DTYMK: variants seen among roughly 807,000 people sequenced by gnomAD.
The protein encoded by DTYMK is thymidylate kinase.
DTYMK carries 20 observed loss-of-function variants against 20.3 expected under a neutral mutation model. The ratio of observed to expected loss-of-function variants is 0.99; its 90% CI spans 0.69 to 1.43. The LOEUF (loss-of-function observed/expected upper bound fraction) is 1.43, where lower values mean the gene tolerates loss of function less well. DTYMK is among the 40% of genes most tolerant of loss of function. The pLI is 0.00. For synonymous variants in DTYMK, 148 were observed against 124.4 expected, an observed-to-expected ratio of 1.19 and a Z score of -1.27; for missense variants, 320 against 291.1, an observed-to-expected ratio of 1.10 and a Z score of -0.72.
At chr2:241,679,265 G>A (rs2125162452) in intron 3 of DTYMK, among the ~76,000 whole-genome samples, 1 of 152,254 alleles carries the variant, frequency 6.6e-6, no homozygotes, top group Middle Eastern at 3.4e-3. Flanking sequence ...GACCAGAAAG[G>A]CTGTGACTGC....
intron 2 of DTYMK, among the ~76,000 whole-genome samples, chr2:241,684,422 G>T (rs2069330949): frequency 1.3e-5 from 2 of 152,230 alleles, no homozygotes; most frequent in African/African-American, 4.8e-5. Context: ...TAAGCCGGAG[G>T]AGAGTAATGC....
In DTYMK at chr2:241,680,279, C is replaced by T. The variant is rs369147687; in HGVS notation, c.280G>A (p.Val94Ile). 1.1e-5 allele frequency: 18 copies of T among 1,614,166 alleles called. No individual in the cohort carries two copies. Among genetic ancestry groups the T allele is most frequent in the Middle Eastern group, 3.3e-4 (2 of 6,062 alleles). ...KEKLSQGVTL[V>I]VDRYAFSGVA... is the part of the protein sequence containing the mutation. ...CCAGAAAATGCGTATCTGTCCACGA[C>T]GAGGGTCACGCCCTGGCTCAACTTT... Residue 94 changes from valine (V) to isoleucine (I), a missense_variant, in exon 3 of 5, where the codon GTC becomes ATC. Transcript: ENST00000305784.
intron 1 of DTYMK, 104 bp from the exon 2 acceptor site, chr2:241,685,981 G>T (rs1386166384): frequency 5.9e-6 from 7 of 1,188,278 alleles, no homozygotes; most frequent in Non-Finnish European, 8.4e-6. Flanking sequence ...GTCTCACGTT[G>T]AATTTTACTT....
chr2:241,678,880 G>C (rs1045132013), intron 3 of DTYMK, among the ~76,000 whole-genome samples: 1 of 152,154 alleles, frequency 6.6e-6, no homozygotes, highest in Non-Finnish European at 1.5e-5. Flanking sequence ...TAGATAGAAC[G>C]GCTGCCAGTC....
chr2:241,686,119 G>A (rs192134772), intron 1 of DTYMK, among the ~76,000 whole-genome samples: 4 of 152,336 alleles, frequency 2.6e-5, no homozygotes, highest in Admixed American at 6.5e-5. Flanking sequence ...GTAGAAAGTA[G>A]AGACTTCAAA....
At chr2:241,684,151 G>T (rs1222664991) in intron 2 of DTYMK, among the ~76,000 whole-genome samples, 17 of 152,154 alleles carry the variant, frequency 1.1e-4, no homozygotes, top group Admixed American at 1.1e-3. Flanking sequence ...CAAGTAACCT[G>T]TAGGAGAATA....
chr2:241,686,152 G>A (rs2069392945), intron 1 of DTYMK, among the ~76,000 whole-genome samples: 1 of 152,208 alleles, frequency 6.6e-6, no homozygotes, highest in African/African-American at 2.4e-5. Flanking sequence ...AAAATTTGTG[G>A]ACTGGGTGGC....
At chr2:241,676,420 C>G (rs1177797860) in intron 4 of DTYMK, among the ~76,000 whole-genome samples, 183 bp from the exon 5 acceptor site, 1 of 151,198 alleles carries the variant, frequency 6.6e-6, no homozygotes, top group African/African-American at 2.5e-5. Flanking sequence ...AAATGTGGCA[C>G]CACTCTACTC....
At chr2:241,684,559 G>A (rs951430575) in intron 2 of DTYMK, among the ~76,000 whole-genome samples, 1 of 152,182 alleles carries the variant, frequency 6.6e-6, no homozygotes, top group Non-Finnish European at 1.5e-5. Flanking sequence ...CAGAGTTAGG[G>A]GATCTGTAAG....
In DTYMK at chr2:241,686,677, C is replaced by T. The variant is rs2069421582; in HGVS notation, c.107G>A (p.Arg36His). The change falls in exon 1 of 5, where the codon CGC becomes CAC. Residue 36 changes from arginine (R) to histidine (H), a missense_variant. Transcript: ENST00000305784. ...ACCCGGGAACCGGAGCAGTTCGGCG[C>T]GGTGGCCCGCGGCGCACAGCGCTTC... ...LVEALCAAGH[R>H]AELLRFPERS... is the part of the protein sequence containing the mutation. 4 of 1,527,198 alleles carry T rather than the reference C, an allele frequency of 2.6e-6. No homozygotes were observed. The highest frequency in any genetic ancestry group is 3.5e-6 in the Non-Finnish European group (4 of 1,148,582). 94.6% of individuals were successfully genotyped at this position (1,527,198 alleles called of 1,614,324 possible). A position where few individuals can be genotyped will look rare whatever the true frequency, so the allele number is the denominator to read the frequency against.
In DTYMK at chr2:241,685,812, GATC is replaced by G. The variant is rs1330408281; in HGVS notation, c.193_195del (p.Asp65del). On this transcript the variant is annotated inframe_deletion, in exon 2 of 5. Transcript: ENST00000305784. ...GCAGAAAAAAGCAGGTGCACCGAGT[GATC>G]CTCCACGTCACTTTTCTTTTGCAAG... 2.5e-6 allele frequency: 4 copies of G among 1,614,056 alleles called. No individual in the cohort carries two copies. The Admixed American group carries it at 5.0e-5, about 20-fold the overall frequency.
chr2:241,686,544 AACCGCACAGTTC>A, intron 1 of DTYMK, 98 bp downstream of exon 1: 1 of 1,348,770 alleles, frequency 7.4e-7, no homozygotes, highest in Non-Finnish European at 9.5e-7. Flanking sequence ...TCAAAATAAA[AACCGCACAGTTC>A]ACAGCACGCC....
At chr2:241,677,731 G>C (rs1253498507) in intron 4 of DTYMK, among the ~76,000 whole-genome samples, 1 of 152,252 alleles carries the variant, frequency 6.6e-6, no homozygotes, top group Non-Finnish European at 1.5e-5. Flanking sequence ...CCAGACCTGG[G>C]ACTGCTGAGA....
In DTYMK at chr2:241,683,148, A is replaced by G. The variant is rs143346376; in HGVS notation, c.239+2621T>C. ...TACGAAACCAGATACACAGATGGCA[A>G]ACAAGCATATGAAAAGATACTCCAC... On this transcript the variant is annotated intron_variant, in intron 2 of 4. Coordinates refer to ENST00000305784, the MANE Select transcript of DTYMK (RefSeq NM_012145.4). Among the ~76,000 whole-genome samples, 963 of 152,314 alleles carry G rather than the reference A, an allele frequency of 6.3e-3. 13 individuals are homozygous for G. Among genetic ancestry groups the G allele is most frequent in the African/African-American group, 0.022 (915 of 41,568 alleles).
chr2:241,679,933 C>A (rs1391239659), intron 3 of DTYMK, among the ~76,000 whole-genome samples: 1 of 145,844 alleles, frequency 6.9e-6, no homozygotes. Flanking sequence ...CGTGCCACTG[C>A]ACTCCAGCCT....
chr2:241,680,227 A>C lies in DTYMK; in HGVS notation c.330+2T>G. 1 of 1,613,980 alleles carries C rather than the reference A, an allele frequency of 6.2e-7. No homozygotes were observed. Among genetic ancestry groups the C allele is most frequent in the Non-Finnish European group, 8.5e-7 (1 of 1,179,920 alleles). Reference sequence around the variant, plus strand: ...CCTGACAGGAGGCCAAGTGGCACTCACCTCCTTGGCACCGGTGAAGGCCAC... The same window carrying C: ...CCTGACAGGAGGCCAAGTGGCACTCCCCTCCTTGGCACCGGTGAAGGCCAC... On this transcript the variant is annotated splice_donor_variant, in intron 3 of 4. Coordinates refer to ENST00000305784, the MANE Select transcript of DTYMK (RefSeq NM_012145.4). LOFTEE classifies it high-confidence loss of function.
intron 3 of DTYMK, 119 bp from the exon 4 acceptor site, chr2:241,678,768 T>C: frequency 8.9e-7 from 1 of 1,129,204 alleles, no homozygotes; most frequent in Non-Finnish European, 1.3e-6. Flanking sequence ...TGAGACTGTT[T>C]ATATTGTGGC....
intron 2 of DTYMK, chr2:241,682,455 C>T (rs530464131): frequency 7.1e-6 from 2 of 280,830 alleles, no homozygotes; most frequent in Non-Finnish European, 1.4e-5. Flanking sequence ...ACAAAGAATT[C>T]TTAAAACTCA....
chr2:241,682,166 T>C (rs1000672993), intron 2 of DTYMK: 5 of 438,320 alleles, frequency 1.1e-5, no homozygotes, highest in Admixed American at 2.4e-5. Context: ...ATAGTGAGAC[T>C]CCATCGCTAC....
Sources: allele counts gnomAD v4.1 joint callset (sites outside exome capture counted in the v4.1 genomes callset), GRCh38; gene constraint gnomAD v4.1.1; transcripts MANE v1.5; gene names NCBI Gene and HGNC (gene_info 2026-07-23, HGNC 2026-07-21).